The following CELF2 variants were observed in gnomAD, a reference collection of about 807,000 sequenced individuals.
CELF2 encodes the protein CUG triplet repeat RNA-binding protein 2.
In CELF2, 8 loss-of-function variants were observed where a neutral mutation model predicts 62.6. The observed-to-expected ratio is 0.13, with a 90% CI of 0.07 to 0.23. CELF2 has a LOEUF of 0.23. CELF2 is among the 10% of genes least tolerant of loss of function. The pLI is 1.00. For synonymous variants in CELF2, 258 were observed against 250.0 expected (o/e 1.03, Z -0.30); for missense variants, 333 against 671.0 (o/e 0.50, Z 5.56).
chr10:11,026,574 A>G (rs145242286), intron 1 of CELF2, among the ~76,000 whole-genome samples: 56 of 152,146 alleles, frequency 3.7e-4, no homozygotes, highest in Non-Finnish European at 6.9e-4. Context: ...TTTGCTCTTC[A>G]CTCCTGAATC....
At chr10:11,105,447 T>G (rs1414945830) in intron 1 of CELF2, 1 of 152,244 alleles carries the variant, frequency 6.6e-6, no homozygotes, top group Non-Finnish European at 1.5e-5. Flanking sequence ...GAATAAGACA[T>G]ACCCACTGCT....
chr10:10,769,622 G>C, the CELF2 span, among the ~76,000 whole-genome samples: 18 of 152,070 alleles, frequency 1.2e-4, no homozygotes, highest in East Asian at 2.5e-3. Context: ...AAATTAGCTG[G>C]GCATGGTGGT....
intron 2 of CELF2, among the ~76,000 whole-genome samples, chr10:10,953,752 A>G (rs2048572715): frequency 6.6e-6 from 1 of 152,126 alleles, no homozygotes; most frequent in Admixed American, 6.5e-5. Flanking sequence ...AGATAAATTC[A>G]GCTACATTTT....
chr10:11,137,915 C>T (rs140233674), intron 1 of CELF2, among the ~76,000 whole-genome samples: 10 of 152,278 alleles, frequency 6.6e-5, no homozygotes, highest in South Asian at 2.1e-4. Context: ...TCTGACTGTA[C>T]GTTGTTTAGT....
intron 1 of CELF2, among the ~76,000 whole-genome samples, chr10:11,136,591 C>T (rs903785249): frequency 1.4e-4 from 21 of 151,760 alleles, no homozygotes; most frequent in Admixed American, 2.0e-4. Context: ...GCAACAAGAG[C>T]GAAACTCCAT....
intron 1 of CELF2, among the ~76,000 whole-genome samples, chr10:11,024,384 C>G (rs1316749480): frequency 1.3e-5 from 2 of 152,172 alleles, no homozygotes; most frequent in African/African-American, 4.8e-5. Flanking sequence ...GCAGGCGAAT[C>G]ACCTTCAGGA....
At chr10:10,832,296 A>G (rs990212467) in intron 1 of CELF2, among the ~76,000 whole-genome samples, 3 of 152,030 alleles carry the variant, frequency 2.0e-5, no homozygotes, top group African/African-American at 7.2e-5. Flanking sequence ...AAATAAATAA[A>G]TAAGTAAAGA....
intron 2 of CELF2, among the ~76,000 whole-genome samples, chr10:11,168,746 T>C (rs2067967036): frequency 1.3e-5 from 2 of 152,190 alleles, no homozygotes; most frequent in Non-Finnish European, 2.9e-5. Flanking sequence ...CCCCCTCACT[T>C]TCCATTTCAT....
the CELF2 span, among the ~76,000 whole-genome samples, chr10:10,768,530 A>G: frequency 6.6e-6 from 1 of 151,358 alleles, no homozygotes; most frequent in African/African-American, 2.4e-5. Context: ...CACCTCTGTC[A>G]CTTTCCTTCT....
At chr10:10,894,271 A>C (rs542428221) in intron 1 of CELF2, among the ~76,000 whole-genome samples, 1 of 152,210 alleles carries the variant, frequency 6.6e-6, no homozygotes, top group Non-Finnish European at 1.5e-5. Flanking sequence ...TAAAGAGCCA[A>C]ATAGAATAAA....
At chr10:10,996,286 C>A (rs2053941618) in intron 2 of CELF2, among the ~76,000 whole-genome samples, 1 of 152,168 alleles carries the variant, frequency 6.6e-6, no homozygotes, top group Non-Finnish European at 1.5e-5. Flanking sequence ...CCCCCTAGCC[C>A]TGTTACTTTT....
chr10:10,565,538 G>A, the CELF2 span, among the ~76,000 whole-genome samples: 3 of 152,168 alleles, frequency 2.0e-5, no homozygotes, highest in Non-Finnish European at 4.4e-5. Flanking sequence ...GAGCAACGCC[G>A]CTCCTTATTC....
chr10:10,534,689 A>G, the CELF2 span, among the ~76,000 whole-genome samples: 1 of 152,214 alleles, frequency 6.6e-6, no homozygotes, highest in Non-Finnish European at 1.5e-5. Flanking sequence ...ATCTTGGAGA[A>G]GAAAAGAATG....
intron 1 of CELF2, among the ~76,000 whole-genome samples, chr10:11,019,659 A>C (rs915489065): frequency 6.6e-6 from 1 of 152,174 alleles, no homozygotes; most frequent in African/African-American, 2.4e-5. Flanking sequence ...TTTTGAGTCA[A>C]TATTAAGAAT....
the CELF2 span, among the ~76,000 whole-genome samples, chr10:10,720,973 A>C: frequency 2.6e-5 from 4 of 152,246 alleles, no homozygotes; most frequent in Non-Finnish European, 5.9e-5. Context: ...GATGTGAAAC[A>C]AAATGTTCTG....
At chr10:10,998,028 G>C (rs1468850530) in intron 2 of CELF2, among the ~76,000 whole-genome samples, 1 of 152,268 alleles carries the variant, frequency 6.6e-6, no homozygotes, top group East Asian at 1.9e-4. Flanking sequence ...ATAAAGGGGA[G>C]TTCCTCTGCA....
At chr10:10,771,943 C>A in the CELF2 span, among the ~76,000 whole-genome samples, 1 of 152,148 alleles carries the variant, frequency 6.6e-6, no homozygotes, top group South Asian at 2.1e-4. Flanking sequence ...ATATAGACGT[C>A]GGGCAAGTTT....
At chr10:11,107,062 G>A (rs4354613) in intron 1 of CELF2, among the ~76,000 whole-genome samples, 101,162 of 152,136 alleles carry the variant, frequency 0.66, 35,565 homozygotes, top group African/African-American at 0.89. Flanking sequence ...AAACAAAGAA[G>A]TAAGACTTAA....
the CELF2 span, among the ~76,000 whole-genome samples, chr10:10,572,840 T>C: frequency 6.6e-6 from 1 of 152,220 alleles, no homozygotes; most frequent in Non-Finnish European, 1.5e-5. Flanking sequence ...TGTATCTTTG[T>C]AATAGAATGA....
Sources: gnomAD v4.1 joint callset for allele counts (sites outside exome capture counted in the v4.1 genomes callset) on GRCh38, gnomAD v4.1.1 for gene constraint, MANE v1.5 for transcripts, NCBI Gene and HGNC (gene_info 2026-07-23, HGNC 2026-07-21) for gene names.